SPOCK1: variants seen among roughly 807,000 people sequenced by gnomAD.
SPOCK1 encodes the protein SPARC (osteonectin), cwcv and kazal like domains proteoglycan 1, also known as testican-1.
A neutral mutation model predicts 55.3 loss-of-function variants in SPOCK1; 23 were observed. That is an observed-to-expected ratio of 0.42 (90% CI 0.30 to 0.59). SPOCK1 has a LOEUF of 0.59. Among genes scored for constraint, SPOCK1 ranks in the 20% least tolerant of loss-of-function variants. SPOCK1 has a pLI of 0.22. For synonymous variants in SPOCK1, 226 were observed against 221.0 expected, an observed-to-expected ratio of 1.02 and a Z score of -0.20; for missense variants, 499 against 552.5, an observed-to-expected ratio of 0.90 and a Z score of 0.97.
chr5:137,415,546 T>G (rs960685328), intron 2 of SPOCK1, among the ~76,000 whole-genome samples: 2 of 152,200 alleles, frequency 1.3e-5, no homozygotes, highest in African/African-American at 4.8e-5. Flanking sequence ...ACTGCTTGGA[T>G]CCCCATTATG....
chr5:136,978,425 C>T lies in SPOCK1; in HGVS notation c.*229G>A. 2.5e-6 allele frequency: 1 copy of T among 393,174 alleles called. No individual in the cohort carries two copies. The highest frequency in any genetic ancestry group is 4.4e-6 in the Non-Finnish European group (1 of 229,782). 24.4% of individuals were successfully genotyped at this position (393,174 alleles called of 1,614,324 possible). On this transcript the variant is annotated 3_prime_UTR_variant, in exon 11 of 11. Transcript: ENST00000394945. The stretch of plus-strand genomic sequence containing the variant: ...CTAATTAAGCCAATGACTTCCCTAT[C>T]CAAAAAATAAACAACAACAAAAAAA...
intron 2 of SPOCK1, among the ~76,000 whole-genome samples, chr5:137,487,333 C>CA (rs11330611): frequency 0.077 from 4,032 of 52,378 alleles, 94 homozygotes; most frequent in African/African-American, 0.14. Context: ...TCTGATCTTT[C>CA]AAAAAAAAAA....
chr5:137,200,458 T>C (rs1755403689), intron 3 of SPOCK1, among the ~76,000 whole-genome samples: 1 of 152,198 alleles, frequency 6.6e-6, no homozygotes, highest in Non-Finnish European at 1.5e-5. Flanking sequence ...ACTCTGTGTT[T>C]TACTGATTTA....
chr5:137,254,115 A>G (rs1017824038), intron 3 of SPOCK1, among the ~76,000 whole-genome samples: 7 of 152,216 alleles, frequency 4.6e-5, no homozygotes, highest in Non-Finnish European at 1.0e-4. Flanking sequence ...GACCTCGCTA[A>G]AAGCAAAAAT....
At chr5:137,249,688 T>TA (rs1195171228) in intron 3 of SPOCK1, among the ~76,000 whole-genome samples, 2 of 152,202 alleles carry the variant, frequency 1.3e-5, no homozygotes, top group East Asian at 1.9e-4. Context: ...TTATTTTACC[T>TA]AAAAAAACTT....
At chr5:137,415,688 T>G (rs1752313272) in intron 2 of SPOCK1, among the ~76,000 whole-genome samples, 1 of 152,182 alleles carries the variant, frequency 6.6e-6, no homozygotes, top group Non-Finnish European at 1.5e-5. Flanking sequence ...TGAATAAAAA[T>G]TTAAATGAAG....
intron 2 of SPOCK1, among the ~76,000 whole-genome samples, chr5:137,496,292 G>T (rs1410947008): frequency 6.6e-6 from 1 of 152,126 alleles, no homozygotes; most frequent in African/African-American, 2.4e-5. Context: ...CTGTTCCAAA[G>T]ATCTAAAAAT....
At chr5:137,320,853 C>T (rs1389851491) in intron 2 of SPOCK1, among the ~76,000 whole-genome samples, 1 of 152,078 alleles carries the variant, frequency 6.6e-6, no homozygotes, top group Non-Finnish European at 1.5e-5. Context: ...AATTATAAGG[C>T]TCACAAAGTA....
intron 6 of SPOCK1, among the ~76,000 whole-genome samples, chr5:137,017,919 T>A (rs531866261): frequency 6.6e-6 from 1 of 152,128 alleles, no homozygotes; most frequent in South Asian, 2.1e-4. Context: ...CACAATTACA[T>A]CCAAGCAAAT....
intron 3 of SPOCK1, among the ~76,000 whole-genome samples, chr5:137,209,477 A>G (rs578220819): frequency 6.6e-6 from 1 of 152,346 alleles, no homozygotes; most frequent in African/African-American, 2.4e-5. Flanking sequence ...CAAAGTTGGA[A>G]GCAGGCAGCA....
At chr5:137,440,346 G>A (rs1242285206) in intron 2 of SPOCK1, among the ~76,000 whole-genome samples, 1 of 152,128 alleles carries the variant, frequency 6.6e-6, no homozygotes, top group Non-Finnish European at 1.5e-5. Flanking sequence ...AAAGGAAGAA[G>A]ACAGAAAGGG....
At chr5:136,994,190 G>GGA (rs1485657942) in intron 6 of SPOCK1, among the ~76,000 whole-genome samples, 1 of 152,204 alleles carries the variant, frequency 6.6e-6, no homozygotes, top group Non-Finnish European at 1.5e-5. Context: ...TGGAATGAAT[G>GGA]CATGTCCAGT....
intron 5 of SPOCK1, among the ~76,000 whole-genome samples, chr5:137,101,750 A>G (rs1753268686): frequency 6.6e-6 from 1 of 152,256 alleles, no homozygotes; most frequent in African/African-American, 2.4e-5. Flanking sequence ...TCAGGAGCCA[A>G]AAAGACTGTG....
intron 2 of SPOCK1, among the ~76,000 whole-genome samples, chr5:137,370,395 A>C (rs1215709123): frequency 6.6e-6 from 1 of 152,202 alleles, no homozygotes; most frequent in Non-Finnish European, 1.5e-5. Context: ...AATGAGAATA[A>C]ATGCTAATAA....
chr5:137,435,148 C>A (rs1028901954), intron 2 of SPOCK1, among the ~76,000 whole-genome samples: 1 of 152,180 alleles, frequency 6.6e-6, no homozygotes, highest in African/African-American at 2.4e-5. Flanking sequence ...CATTTAATTT[C>A]TTTAAGTAAC....
rs752197989 is a variant in SPOCK1, at chr5:137,186,568, T to C, written c.233-45874A>G. Reference sequence around the variant, plus strand: ...GGCAATGGGAAGGGGACAGAAGACATGGGGCTTAGGAGGACATAACAGTTA... The same window carrying C: ...GGCAATGGGAAGGGGACAGAAGACACGGGGCTTAGGAGGACATAACAGTTA... On this transcript the variant is annotated intron_variant, in intron 3 of 10. Transcript: ENST00000394945. Among the ~76,000 whole-genome samples the C allele has an allele frequency of 4.3e-4, 66 of 152,314 alleles. 1 individual carries two copies. Among genetic ancestry groups the C allele is most frequent in the Admixed American group, 7.2e-4 (11 of 15,306 alleles).
At chr5:137,425,963 G>GAAAA (rs33927619) in intron 2 of SPOCK1, among the ~76,000 whole-genome samples, 1 of 108,928 alleles carries the variant, frequency 9.2e-6, no homozygotes, top group Non-Finnish European at 1.9e-5. Flanking sequence ...GTACATTACA[G>GAAAA]AAAAAAAAAA....
At position 137,473,902 on chromosome 5, in the gene SPOCK1, A is replaced by G. The variant is rs1012860067; in HGVS notation, c.186+24471T>C. 2.0e-5 allele frequency among the ~76,000 whole-genome samples: 3 copies of G among 152,362 alleles called. No homozygotes were observed. The South Asian group carries it at 6.2e-4, about 32-fold the overall frequency. On this transcript the variant is annotated intron_variant, in intron 2 of 10. Coordinates refer to ENST00000394945, the MANE Select transcript of SPOCK1 (RefSeq NM_004598.4). ...TGGTGTATATATACGATGGAATACT[A>G]TGCAGCCATAAAAAGGAATGAATTA...
At chr5:137,062,829 T>G (rs1752419212) in intron 6 of SPOCK1, among the ~76,000 whole-genome samples, 1 of 152,206 alleles carries the variant, frequency 6.6e-6, no homozygotes, top group Non-Finnish European at 1.5e-5. Flanking sequence ...TTTTTGTTTT[T>G]GTGGATAACC....
Sources: allele counts gnomAD v4.1 joint callset (sites outside exome capture counted in the v4.1 genomes callset), GRCh38; gene constraint gnomAD v4.1.1; transcripts MANE v1.5; gene names NCBI Gene and HGNC (gene_info 2026-07-23, HGNC 2026-07-21).